Variants in TUBB8 observed in about 807,000 individuals in gnomAD.
The protein encoded by TUBB8 is tubulin beta 8 class VIII, also known as tubulin beta-8 chain.
A neutral mutation model predicts 33.7 loss-of-function variants in TUBB8; 25 were observed. That is an observed-to-expected ratio of 0.74 (90% CI 0.54 to 1.04). The LOEUF (loss-of-function observed/expected upper bound fraction) is 1.04, where lower values mean the gene tolerates loss of function less well. Among genes scored for constraint, TUBB8 ranks in the 50% least tolerant of loss-of-function variants. The probability of loss-of-function intolerance (pLI) is 0.00; values close to 1 mark genes in which losing one functional copy is unlikely to be tolerated. For synonymous variants in TUBB8, 245 were observed against 240.1 expected, an observed-to-expected ratio of 1.02 and a Z score of -0.19; for missense variants, 279 against 608.0, an observed-to-expected ratio of 0.46 and a Z score of 5.69.
chr10:48,558 T>C (rs1834404622), intron 3 of TUBB8, 57 bp downstream of exon 3: 1 of 1,495,834 alleles, frequency 6.7e-7, no homozygotes, highest in Non-Finnish European at 9.3e-7. Flanking sequence ...AGCACACTCC[T>C]GGATTTTGAG....
chr10:49,062 C>T (rs1834423233), intron 1 of TUBB8, 120 bp downstream of exon 1: 2 of 1,346,678 alleles, frequency 1.5e-6, no homozygotes, highest in Non-Finnish European at 2.0e-6. Context: ...CACCCGGTTC[C>T]ACCGTCCCCG....
At chr10:67,850 G>A (rs1554741828) in intron 1 of TUBB8, among the ~76,000 whole-genome samples, 1 of 152,210 alleles carries the variant, frequency 6.6e-6, no homozygotes, top group African/African-American at 2.4e-5. Flanking sequence ...TAGCTCTTCA[G>A]CATGAATCTC....
chr10:62,247 T>A (rs1331620282), intron 1 of TUBB8, among the ~76,000 whole-genome samples: 1 of 152,260 alleles, frequency 6.6e-6, no homozygotes, highest in Non-Finnish European at 1.5e-5. Context: ...TTTTACTTTT[T>A]GTACATCTGT....
chr10:47,018 T>C lies in TUBB8; in HGVS notation c.*39A>G, dbSNP rs371682401. 1.5e-6 allele frequency: 1 copy of C among 686,856 alleles called. No individual in the cohort carries two copies. The highest frequency in any genetic ancestry group is 2.7e-5 in the East Asian group (1 of 37,694). 42.5% of individuals were successfully genotyped at this position (686,856 alleles called of 1,614,324 possible). On this transcript the variant is annotated 3_prime_UTR_variant, in exon 4 of 4. Transcript: ENST00000568584. Reference sequence around the variant, plus strand: ...ATGGCTGTCAGAACACAGTAAAGAATCCACACTGCTTCCCCCCTTTACCTA... The same window carrying C: ...ATGGCTGTCAGAACACAGTAAAGAACCCACACTGCTTCCCCCCTTTACCTA...
In TUBB8 at chr10:48,423, A is replaced by C. The variant is rs529496733; in HGVS notation, c.277+192T>G. The C allele has an allele frequency of 2.0e-5, 13 of 660,396 alleles. No individual in the cohort carries two copies. The African/African-American group carries it at 2.1e-4, about 11-fold the overall frequency. 40.9% of individuals were successfully genotyped at this position (660,396 alleles called of 1,614,324 possible). On this transcript the variant is annotated intron_variant, in intron 3 of 3. Transcript: ENST00000568584. The stretch of plus-strand genomic sequence containing the variant: ...AGGGAGTTTACATCAGTAACTCCTC[A>C]CCTTGAGGAGACACCAGGGCCTTCC...
At chr10:48,547 T>TGG in intron 3 of TUBB8, 68 bp downstream of exon 3, 1 of 1,456,236 alleles carries the variant, frequency 6.9e-7, no homozygotes, top group Non-Finnish European at 9.6e-7. Flanking sequence ...AGGATGACCT[T>TGG]AGCACACTCC....
intron 1 of TUBB8, among the ~76,000 whole-genome samples, chr10:69,887 A>G (rs1347331406): frequency 0.025 from 2,832 of 112,032 alleles, no homozygotes; most frequent in African/African-American, 0.064. Flanking sequence ...CCAGACCCTA[A>G]AAACACTCTC....
At chr10:49,738 G>A (rs1321463257), upstream of TUBB8, 8 of 368,826 alleles carry the variant, frequency 2.2e-5, no homozygotes, top group South Asian at 1.6e-4. Context: ...CTTTGGAGCA[G>A]TTCTAACCCA....
chr10:64,577 C>T (rs1554741338), intron 1 of TUBB8, among the ~76,000 whole-genome samples: 2 of 152,116 alleles, frequency 1.3e-5, no homozygotes, highest in African/African-American at 4.8e-5. Flanking sequence ...TAACCATTAC[C>T]CCAACCCTAA....
At chr10:70,119 G>T (rs1181472827) in intron 1 of TUBB8, among the ~76,000 whole-genome samples, 1 of 151,328 alleles carries the variant, frequency 6.6e-6, no homozygotes, top group African/African-American at 2.4e-5. Flanking sequence ...ACTGACAGCT[G>T]GTTCCTGCAA....
At chr10:66,879 G>A (rs1441742852) in intron 1 of TUBB8, among the ~76,000 whole-genome samples, 12 of 152,204 alleles carry the variant, frequency 7.9e-5, no homozygotes, top group African/African-American at 2.6e-4. Flanking sequence ...AGGCTGAGGC[G>A]GGAGGATCAC....
At chr10:49,320 G>C (rs544563719), upstream of TUBB8, 191 of 1,419,706 alleles carry the variant, frequency 1.3e-4, no homozygotes, top group Middle Eastern at 2.4e-4. Flanking sequence ...CTCCGCCAAC[G>C]TTTAAATAGC....
intron 1 of TUBB8, among the ~76,000 whole-genome samples, chr10:61,201 T>C (rs1204237511): frequency 3.9e-5 from 6 of 152,146 alleles, no homozygotes; most frequent in Non-Finnish European, 8.8e-5. Flanking sequence ...AATGTGCACA[T>C]GTACCCTAAA....
Position 70,128 on chromosome 10 carries a change from A to G in TUBB8, c.-846+3841T>C, listed in dbSNP as rs1462525447. 4.6e-5 allele frequency among the ~76,000 whole-genome samples: 7 copies of G among 152,322 alleles called. No homozygotes were observed. The East Asian group carries it at 7.7e-4, about 17-fold the overall frequency. On this transcript the variant is annotated intron_variant, in intron 1 of 3. Transcript: ENST00000564130. ...AATACCACTGACAGCTGGTTCCTGC[A>G]AAAGGTGTTGTGTTAGACAGGAATT...
chr10:72,152 G>A (rs1308193457), intron 1 of TUBB8, among the ~76,000 whole-genome samples: 17 of 151,722 alleles, frequency 1.1e-4, no homozygotes, highest in Admixed American at 1.1e-3. Context: ...TTGAACCCAG[G>A]AGGCAGAGGT....
At chr10:62,499 G>C (rs1554741031) in intron 1 of TUBB8, among the ~76,000 whole-genome samples, 1 of 152,166 alleles carries the variant, frequency 6.6e-6, no homozygotes. Context: ...CTGGTTTATT[G>C]TTTACTCTTT....
rs563591111 is a variant in TUBB8 at position 60,947 on chromosome 10, A to C, written c.-845-10714T>G. Reference sequence around the variant, plus strand: ...TATAGGGACATGGATGAAACTGGAAATCATCATTCTCAGTAAACTATCGCA... The same window carrying C: ...TATAGGGACATGGATGAAACTGGAACTCATCATTCTCAGTAAACTATCGCA... On this transcript the variant is annotated intron_variant, in intron 1 of 3. Coordinates refer to the TUBB8 transcript ENST00000564130. Among the ~76,000 whole-genome samples, 213 of 152,122 alleles carry C rather than the reference A, an allele frequency of 1.4e-3. 1 individual carries two copies. Among genetic ancestry groups the C allele is most frequent in the African/African-American group, 4.8e-3 (201 of 41,504 alleles).
chr10:64,034 G>T (rs1224891313), intron 1 of TUBB8, among the ~76,000 whole-genome samples: 1 of 152,064 alleles, frequency 6.6e-6, no homozygotes, highest in Non-Finnish European at 1.5e-5. Context: ...TTAACATCAA[G>T]AAAAATTCTC....
rs563101036 is a variant in TUBB8, at chr10:71,844, A to C, written c.-846+2125T>G. On this transcript the variant is annotated intron_variant, in intron 1 of 3. Transcript: ENST00000564130. ...AGGATTGCTGGAGCCCAGGAGGTCAAGGCTGCAGTAAGCCATGATCACACC... is the reference window on the plus strand; with the variant it reads ...AGGATTGCTGGAGCCCAGGAGGTCACGGCTGCAGTAAGCCATGATCACACC... Among the ~76,000 whole-genome samples, 136 of 152,256 alleles carry C rather than the reference A, an allele frequency of 8.9e-4. 1 individual carries two copies. Among genetic ancestry groups the C allele is most frequent in the African/African-American group, 3.0e-3 (124 of 41,542 alleles).
Sources: gnomAD v4.1 joint callset for allele counts (sites outside exome capture counted in the v4.1 genomes callset) on GRCh38, gnomAD v4.1.1 for gene constraint, MANE v1.5 for transcripts, NCBI Gene and HGNC (gene_info 2026-07-23, HGNC 2026-07-21) for gene names.